CAST: variants seen among roughly 807,000 people sequenced by gnomAD.
The protein encoded by CAST is calpastatin, also known as MIR583 host.
CAST carries 76 observed loss-of-function variants against 119.6 expected under a neutral mutation model. That is an observed-to-expected ratio of 0.64 (90% CI 0.53 to 0.77). The LOEUF is 0.77. CAST is among the 30% of genes least tolerant of loss of function. The probability of loss-of-function intolerance (pLI) is 0.00; values close to 1 mark genes in which losing one functional copy is unlikely to be tolerated. For missense variants in CAST, 953 were observed against 946.5 expected (o/e 1.01, Z -0.09); for synonymous variants, 319 against 331.6 (o/e 0.96, Z 0.41).
At chr5:96,207,528 T>G in the CAST span, among the ~76,000 whole-genome samples, 1 of 152,084 alleles carries the variant, frequency 6.6e-6, no homozygotes, top group African/African-American at 2.4e-5. Context: ...TGAATTTTAT[T>G]GACTGCCTTT....
At position 96,534,647 on chromosome 5, in the gene CAST, C is replaced by T. The variant is rs561310432; in HGVS notation, c.60+4767C>T. Among the ~76,000 whole-genome samples the T allele has an allele frequency of 2.5e-4, 33 of 130,358 alleles. 1 individual carries two copies. In the South Asian group the frequency reaches 7.0e-3, roughly 28 times the overall value. 85.5% of individuals were successfully genotyped at this position (130,358 alleles called of 152,430 possible). On this transcript the variant is annotated intron_variant, in intron 1 of 11. Coordinates refer to the CAST transcript ENST00000505143. Reference sequence around the variant, plus strand: ...TCATGCCACTGCACTCCAGCCTGGGCGGCAAAGTGAGACTTCATCAAAGAA... The same window carrying T: ...TCATGCCACTGCACTCCAGCCTGGGTGGCAAAGTGAGACTTCATCAAAGAA...
the CAST span, among the ~76,000 whole-genome samples, chr5:96,506,137 A>G: frequency 6.6e-6 from 1 of 152,362 alleles, no homozygotes; most frequent in Non-Finnish European, 1.5e-5. Context: ...GCTGCACATA[A>G]CACAAGCTCT....
chr5:96,709,385 T>A (rs2150350664), intron 3 of CAST, among the ~76,000 whole-genome samples: 1 of 152,320 alleles, frequency 6.6e-6, no homozygotes, highest in African/African-American at 2.4e-5. Context: ...TCCCCGTGAG[T>A]CATTCTGTCT....
At chr5:96,502,440 T>A in the CAST span, among the ~76,000 whole-genome samples, 3 of 151,940 alleles carry the variant, frequency 2.0e-5, no homozygotes, top group Non-Finnish European at 4.4e-5. Flanking sequence ...TTTTAAAAAT[T>A]CTTTAATTTT....
the CAST span, among the ~76,000 whole-genome samples, chr5:96,167,914 G>A: frequency 1.3e-5 from 2 of 152,224 alleles, no homozygotes; most frequent in African/African-American, 4.8e-5. Context: ...AACAATCCCT[G>A]AGGAGTAGTA....
chr5:96,237,297 G>A, the CAST span, among the ~76,000 whole-genome samples: 1 of 152,050 alleles, frequency 6.6e-6, no homozygotes, highest in East Asian at 1.9e-4. Flanking sequence ...CCTTTGTATT[G>A]GTGTTAGTAT....
the CAST span, among the ~76,000 whole-genome samples, chr5:96,148,020 G>C: frequency 1.3e-5 from 2 of 152,156 alleles, no homozygotes; most frequent in African/African-American, 4.8e-5. Flanking sequence ...TATTGCTATT[G>C]CCTATCTTTT....
the CAST span, among the ~76,000 whole-genome samples, chr5:96,293,618 T>C: frequency 2.0e-5 from 3 of 151,880 alleles, no homozygotes; most frequent in Non-Finnish European, 4.4e-5. Flanking sequence ...CTTTAGGGGT[T>C]CCTCTTTCTT....
At chr5:95,996,598 T>C in the CAST span, among the ~76,000 whole-genome samples, 2 of 152,196 alleles carry the variant, frequency 1.3e-5, no homozygotes, top group East Asian at 1.9e-4. Context: ...TATACATCTA[T>C]TGTCTATTAT....
chr5:96,502,663 T>TCTTTCTTC, the CAST span, among the ~76,000 whole-genome samples: 1 of 141,322 alleles, frequency 7.1e-6, no homozygotes, highest in Non-Finnish European at 1.6e-5. Flanking sequence ...TTTCTTTCTT[T>TCTTTCTTC]CTTCTATCCA....
chr5:96,361,933 C>T, the CAST span, among the ~76,000 whole-genome samples: 1 of 151,514 alleles, frequency 6.6e-6, no homozygotes, highest in Non-Finnish European at 1.5e-5. Context: ...GTGCTGCACC[C>T]ATTAACTTGT....
intron 1 of CAST, among the ~76,000 whole-genome samples, chr5:96,568,572 AAAAAAAAAAAAAAAAAG>A (rs1455319689): frequency 6.6e-6 from 1 of 150,608 alleles, no homozygotes; most frequent in Admixed American, 6.6e-5. Context: ...CTCAAAAAAA[AAAAAAAAAAAAAAAAAG>A]AAGATAAGGG....
chr5:96,021,219 T>A, the CAST span, among the ~76,000 whole-genome samples: 12 of 152,198 alleles, frequency 7.9e-5, no homozygotes, highest in South Asian at 2.3e-3. Context: ...TGAAGAGAGG[T>A]TTATCTGTAT....
At chr5:96,343,506 C>T in the CAST span, among the ~76,000 whole-genome samples, 1 of 152,044 alleles carries the variant, frequency 6.6e-6, no homozygotes, top group Non-Finnish European at 1.5e-5. Context: ...TCTACATTGC[C>T]TTTGAAAGCA....
chr5:96,337,677 T>A, the CAST span, among the ~76,000 whole-genome samples: 1 of 152,236 alleles, frequency 6.6e-6, no homozygotes, highest in African/African-American at 2.4e-5. Flanking sequence ...AGTTCAATGT[T>A]AATGTCCTCT....
the CAST span, among the ~76,000 whole-genome samples, chr5:96,127,749 G>C: frequency 1.3e-5 from 2 of 152,030 alleles, no homozygotes; most frequent in African/African-American, 4.8e-5. Context: ...TGCTGCCAGT[G>C]TTAACACTGG....
At chr5:96,398,835 C>T in the CAST span, 2 of 1,484,268 alleles carry the variant, frequency 1.3e-6, no homozygotes, top group Middle Eastern at 3.4e-4. Flanking sequence ...AATCATTCAA[C>T]TTACACTTAA....
At chr5:96,049,705 T>G in the CAST span, among the ~76,000 whole-genome samples, 2 of 151,436 alleles carry the variant, frequency 1.3e-5, no homozygotes, top group Non-Finnish European at 2.9e-5. Context: ...TTGTTATACT[T>G]GGGATGCACA....
the CAST span, among the ~76,000 whole-genome samples, chr5:95,974,479 C>G: frequency 6.6e-6 from 1 of 152,288 alleles, no homozygotes; most frequent in African/African-American, 2.4e-5. Flanking sequence ...AACAAACAAG[C>G]AAGGTAACTT....
Sources: gnomAD v4.1 joint callset for allele counts (sites outside exome capture counted in the v4.1 genomes callset) on GRCh38, gnomAD v4.1.1 for gene constraint, MANE v1.5 for transcripts, NCBI Gene and HGNC (gene_info 2026-07-23, HGNC 2026-07-21) for gene names.